SELENOV: variants seen among roughly 807,000 people sequenced by gnomAD.
SELENOV encodes the protein selenoprotein V.
SELENOV carries 25 observed loss-of-function variants against 21.6 expected under a neutral mutation model. The observed-to-expected ratio is 1.16, with a 90% CI of 0.84 to 1.62. The LOEUF is 1.62. Ranked by LOEUF, SELENOV falls within the 40% of genes most tolerant of loss-of-function variation. The pLI is 0.00. For synonymous variants in SELENOV, 227 were observed against 216.9 expected, an observed-to-expected ratio of 1.05 and a Z score of -0.41; for missense variants, 472 against 459.0, an observed-to-expected ratio of 1.03 and a Z score of -0.26.
intron 1 of SELENOV, 140 bp from the exon 2 acceptor site, chr19:39,518,468 G>A: frequency 1.2e-6 from 1 of 828,282 alleles, no homozygotes; most frequent in Non-Finnish European, 2.0e-6. Flanking sequence ...GCGTGAGATG[G>A]CACTACTTCG....
At chr19:39,516,191 C>G in intron 1 of SELENOV, 170 bp downstream of exon 1, 1 of 711,064 alleles carries the variant, frequency 1.4e-6, no homozygotes. Flanking sequence ...CTCTCATTCT[C>G]TTTGGGGCAG....
chr19:39,519,541 C>T (rs1028787535), intron 5 of SELENOV, among the ~76,000 whole-genome samples: 1 of 151,934 alleles, frequency 6.6e-6, no homozygotes, highest in Non-Finnish European at 1.5e-5. Flanking sequence ...TGGCTCACGC[C>T]TGTAATCCCA....
chr19:39,516,016 CT>C lies in SELENOV; in HGVS notation c.805del (p.Tyr269ThrfsTer14). The C allele has an allele frequency of 6.3e-7, 1 of 1,583,732 alleles. No individual in the cohort carries two copies. The highest frequency in any genetic ancestry group is 1.8e-5 in the Admixed American group (1 of 55,698). ...ACAAGAGGGTCCTGATTCGAGTGAC[CT>C]ACTGGTGAGGACCTCACACATGCCT... On this transcript the variant is annotated frameshift_variant, in exon 1 of 6. Coordinates refer to ENST00000335426, the Ensembl canonical transcript of SELENOV. LOFTEE classifies it high-confidence loss of function.
chr19:39,517,438 T>C (rs1385119706), intron 1 of SELENOV, among the ~76,000 whole-genome samples: 3 of 152,014 alleles, frequency 2.0e-5, no homozygotes, highest in Non-Finnish European at 1.5e-5. Context: ...AACAATAATA[T>C]GACCTGTAGA....
intron 5 of SELENOV, 78 bp downstream of exon 5, chr19:39,519,248 C>A: frequency 1.0e-6 from 1 of 972,550 alleles, no homozygotes. Flanking sequence ...CTGTCTCAGT[C>A]CTGATCCTAG....
rs574581169 is a variant in SELENOV, at chr19:39,516,945, C to T, written c.809+924C>T. 3.6e-4 allele frequency among the ~76,000 whole-genome samples: 55 copies of T among 152,248 alleles called. No individual in the cohort carries two copies. In the South Asian group the frequency reaches 0.011, roughly 32 times the overall value. Reference sequence around the variant, plus strand: ...ATCTTCTGACCTCGTGATCCACCCACCTTGGCCTCCCAAAGTGCTGGGATT... The same window carrying T: ...ATCTTCTGACCTCGTGATCCACCCATCTTGGCCTCCCAAAGTGCTGGGATT... On this transcript the variant is annotated intron_variant, in intron 1 of 5. Coordinates refer to ENST00000335426, the Ensembl canonical transcript of SELENOV.
At chr19:39,519,747 C>T (rs1425197833) in intron 5 of SELENOV, among the ~76,000 whole-genome samples, 5 of 151,404 alleles carry the variant, frequency 3.3e-5, no homozygotes, top group South Asian at 2.1e-4. Context: ...GGGCGGGTCA[C>T]GAGGTCAGGA....
intron 1 of SELENOV, 98 bp downstream of exon 1, chr19:39,516,119 G>C (rs1600763231): frequency 1.9e-6 from 2 of 1,043,646 alleles, no homozygotes; most frequent in Middle Eastern, 2.0e-4. Context: ...GGGGTAGGGC[G>C]AGGGGAGGGA....
rs2079692139 is a variant in SELENOV, at chr19:39,515,645, C to G, written c.433C>G (p.Leu145Val). The change falls in exon 1 of 6, where the codon CTG (leucine) becomes GTG (valine). Residue 145 changes from leucine (L) to valine (V), a missense_variant. Leu to Val is a conservative substitution (Grantham distance 32). Coordinates refer to ENST00000335426, the Ensembl canonical transcript of SELENOV. This position sits in a 1 kb window ranked among gnomAD's most constrained non-coding sequence, Gnocchi z 5.1. ...CGCGCTCCCCGTCTTGGACTCCTAC[C>G]TGGCCCCGGCCCTACCTTTGGATCC... 1 of 1,548,414 alleles carries G rather than the reference C, an allele frequency of 6.5e-7. No homozygotes were observed.
In SELENOV at chr19:39,519,176, C is replaced by G. The variant is rs764303372; in HGVS notation, c.*22+6C>G. 5 of 1,604,094 alleles carry G rather than the reference C, an allele frequency of 3.1e-6. No individual in the cohort carries two copies. In the Admixed American group the frequency reaches 8.4e-5, roughly 27 times the overall value. On this transcript the variant is annotated splice_donor_region_variant and intron_variant, in intron 5 of 5. Coordinates refer to ENST00000335426, the Ensembl canonical transcript of SELENOV. ...GGCAAGGGGTGGAGCTGGAGGTGAG[C>G]GTGGAGCTCCCAAGGCTGCGGTGGG...
rs2079693871 is a variant in SELENOV at position 39,515,841 on chromosome 19, C to T, written c.629C>T (p.Thr210Ile). ...TCACCCGGGCCCACCCTGGACTTCA[C>T]CTTCAGGGCAGACCCGTCGGCCATC... is the stretch of plus-strand genomic sequence containing the variant. Residue 210 changes from threonine (T) to isoleucine (I), a missense_variant, in exon 1 of 6, where the codon ACC (threonine) becomes ATC (isoleucine). Physicochemically the swap from Thr to Ile is moderately conservative, Grantham distance 89. Coordinates refer to ENST00000335426, the Ensembl canonical transcript of SELENOV. The surrounding 1 kb of genome is among the most constrained non-coding windows in gnomAD (Gnocchi z 5.1). The T allele has an allele frequency of 2.1e-5, 33 of 1,551,656 alleles. No homozygotes were observed. Among genetic ancestry groups the T allele is most frequent in the Non-Finnish European group, 2.8e-5 (32 of 1,147,522 alleles).
intron 1 of SELENOV, among the ~76,000 whole-genome samples, chr19:39,518,246 G>C (rs2079708397): frequency 1.3e-5 from 2 of 149,268 alleles, no homozygotes; most frequent in Non-Finnish European, 3.0e-5. Flanking sequence ...ACTCCAGCCT[G>C]GGCAACAGAG....
intron 1 of SELENOV, among the ~76,000 whole-genome samples, chr19:39,517,998 C>A (rs1042093186): frequency 1.8e-5 from 1 of 56,760 alleles, no homozygotes; most frequent in Non-Finnish European, 3.7e-5. Context: ...AAAAGCCCAG[C>A]GCGGTGGCTC....
At chr19:39,518,882 A>G in intron 3 of SELENOV, 21 bp from the exon 4 acceptor site, 1 of 1,613,630 alleles carries the variant, frequency 6.2e-7, no homozygotes. Flanking sequence ...AGCCTCCCCT[A>G]CGCTCACCAT....
intron 1 of SELENOV, among the ~76,000 whole-genome samples, chr19:39,517,063 T>C (rs371582083): frequency 7.9e-5 from 12 of 151,884 alleles, no homozygotes; most frequent in African/African-American, 2.9e-4. Context: ...ATCACTATGT[T>C]GCCCAGGCTG....
chr19:39,519,230 G>T, intron 5 of SELENOV, 60 bp downstream of exon 5: 2 of 1,144,522 alleles, frequency 1.7e-6, no homozygotes, highest in Non-Finnish European at 1.3e-6. Context: ...GGAGGATGGG[G>T]CAGGGCTCTG....
chr19:39,518,970 C>A (rs749751642), exon 4 of SELENOV: 2 of 1,613,586 alleles, frequency 1.2e-6, no homozygotes, highest in Non-Finnish European at 1.7e-6. Flanking sequence ...CTGGTCCATT[C>A]CAAGAAGGTG....
At chr19:39,517,874 G>A (rs1175896136) in intron 1 of SELENOV, among the ~76,000 whole-genome samples, 1 of 147,224 alleles carries the variant, frequency 6.8e-6, no homozygotes, top group Admixed American at 7.0e-5. Context: ...TGAAGTGGGA[G>A]AATTGCTAGA....
rs370869500 is a variant in SELENOV, at chr19:39,519,731, C to G, written c.*23-415C>G. Among the ~76,000 whole-genome samples the G allele has an allele frequency of 6.0e-5, 9 of 151,206 alleles. No individual in the cohort carries two copies. The East Asian group carries it at 9.7e-4, about 16-fold the overall frequency. On this transcript the variant is annotated intron_variant, in intron 5 of 5. Transcript: ENST00000335426. ...CTGTAATCCCAGCACTTTGGGAGGC[C>G]GAGGCGGGCGGGTCACGAGGTCAGG...
Sources: gnomAD v4.1 joint callset for allele counts (sites outside exome capture counted in the v4.1 genomes callset) on GRCh38, gnomAD v4.1.1 for gene constraint, Gnocchi (gnomAD v3.1) non-coding constraint, MANE v1.5 for transcripts, NCBI Gene and HGNC (gene_info 2026-07-23, HGNC 2026-07-21) for gene names.